NDRG3: variants seen among roughly 807,000 people sequenced by gnomAD.
The protein encoded by NDRG3 is protein NDRG3.
Under a neutral mutation model 57.2 loss-of-function variants are expected in NDRG3, and 23 were observed. The observed-to-expected ratio is 0.40, with a 90% CI of 0.29 to 0.57. The LOEUF (loss-of-function observed/expected upper bound fraction) is 0.57. Ranked by LOEUF, NDRG3 falls within the 20% of genes least tolerant of loss-of-function variation. The pLI is 0.42. For synonymous variants in NDRG3, 132 were observed against 162.6 expected, an observed-to-expected ratio of 0.81 and a Z score of 1.43; for missense variants, 384 against 457.3, an observed-to-expected ratio of 0.84 and a Z score of 1.46.
At chr20:36,669,666 A>G (rs549093216) in intron 9 of NDRG3, among the ~76,000 whole-genome samples, 80 of 151,508 alleles carry the variant, frequency 5.3e-4, no homozygotes, top group African/African-American at 1.9e-3. Context: ...CGCGCGGCCG[A>G]TTTTTGAATT....
chr20:36,660,272 TC>T, intron 13 of NDRG3, 64 bp downstream of exon 13: 1 of 1,259,588 alleles, frequency 7.9e-7, no homozygotes, highest in East Asian at 2.5e-5. Flanking sequence ...AAGCAATTAT[TC>T]CAGAAAATAT....
chr20:36,684,564 A>G (rs1011661493), intron 5 of NDRG3, 89 bp from the exon 6 acceptor site: 10 of 1,203,132 alleles, frequency 8.3e-6, no homozygotes, highest in African/African-American at 7.5e-5. Context: ...AGTCTTAGAT[A>G]AAAGGCTGAG....
intron 9 of NDRG3, among the ~76,000 whole-genome samples, chr20:36,669,230 A>T (rs1305228842): frequency 2.3e-4 from 28 of 122,462 alleles, no homozygotes; most frequent in East Asian, 1.9e-3. Context: ...CTAATTTTGT[A>T]TTTTTTTTTT....
At chr20:36,654,718 G>T in intron 15 of NDRG3, 1 of 772,388 alleles carries the variant, frequency 1.3e-6, no homozygotes. Context: ...TCACTGCATA[G>T]GAAGACCGCG....
At chr20:36,718,873 A>C (rs1984425617) in intron 2 of NDRG3, among the ~76,000 whole-genome samples, 2 of 151,656 alleles carry the variant, frequency 1.3e-5, no homozygotes, top group South Asian at 4.2e-4. Context: ...GGTAGACAGG[A>C]TCTCCCTTTG....
At chr20:36,744,204 T>C (rs1354668598) in intron 1 of NDRG3, among the ~76,000 whole-genome samples, 1 of 152,120 alleles carries the variant, frequency 6.6e-6, no homozygotes, top group Admixed American at 6.5e-5. Context: ...GCCCGGTCCA[T>C]AAACAGGCTT....
chr20:36,742,647 A>C (rs1985976968), intron 1 of NDRG3, among the ~76,000 whole-genome samples: 2 of 152,210 alleles, frequency 1.3e-5, no homozygotes, highest in African/African-American at 2.4e-5. Context: ...CCATGTAGGA[A>C]TATCTTATTC....
intron 3 of NDRG3, among the ~76,000 whole-genome samples, chr20:36,692,206 A>G (rs950481784): frequency 6.6e-6 from 1 of 152,118 alleles, no homozygotes; most frequent in Non-Finnish European, 1.5e-5. Context: ...AAGAACCAAC[A>G]TATACTGTTT....
rs963398881 is a variant in NDRG3, at chr20:36,652,057, G to C, written c.*1463C>G. ...ATGAGGCTGAAAACAACTTTACCTGGACAGGGCTACCCCTACAGATTGGCC... is the reference window on the plus strand; with the variant it reads ...ATGAGGCTGAAAACAACTTTACCTGCACAGGGCTACCCCTACAGATTGGCC... On this transcript the variant is annotated 3_prime_UTR_variant, in exon 16 of 16. Transcript: ENST00000349004. The C allele has an allele frequency of 6.6e-6, 1 of 152,188 alleles. No homozygotes were observed. Among genetic ancestry groups the C allele is most frequent in the Non-Finnish European group, 1.5e-5 (1 of 68,070 alleles). The allele number at this position is 152,188 out of a possible 1,614,324, so 9.4% of individuals were successfully genotyped here.
chr20:36,700,697 A>G (rs1349788277), intron 3 of NDRG3: 7 of 258,906 alleles, frequency 2.7e-5, no homozygotes, highest in Admixed American at 2.7e-4. Flanking sequence ...CAAAGAGCAC[A>G]GTCTAAGGGA....
chr20:36,731,022 G>C (rs1226092524), intron 1 of NDRG3, among the ~76,000 whole-genome samples: 1 of 152,026 alleles, frequency 6.6e-6, no homozygotes, highest in African/African-American at 2.4e-5. Context: ...CAGTTGGGGA[G>C]ATAAAAGAAT....
intron 9 of NDRG3, among the ~76,000 whole-genome samples, chr20:36,670,707 G>A (rs564718441): frequency 6.6e-6 from 1 of 152,216 alleles, no homozygotes; most frequent in Admixed American, 6.5e-5. Flanking sequence ...TTAAAATTAA[G>A]CAGAAAACAA....
intron 3 of NDRG3, among the ~76,000 whole-genome samples, chr20:36,699,138 G>A (rs1048901577): frequency 3.3e-5 from 5 of 151,952 alleles, no homozygotes; most frequent in Non-Finnish European, 5.9e-5. Flanking sequence ...TTGGAGAGAC[G>A]GGGTCTCCAT....
At chr20:36,689,149 G>A (rs1391371717) in intron 3 of NDRG3, among the ~76,000 whole-genome samples, 4 of 152,122 alleles carry the variant, frequency 2.6e-5, no homozygotes, top group East Asian at 1.9e-4. Context: ...AGCTGAGATC[G>A]TGCTACTGCA....
At chr20:36,656,448 T>C (rs1025370948) in intron 14 of NDRG3, 37 bp from the exon 15 acceptor site, 14 of 1,613,966 alleles carry the variant, frequency 8.7e-6, no homozygotes, top group Non-Finnish European at 1.1e-5. Flanking sequence ...AATTTTTGCA[T>C]AGACAGAGAA....
intron 2 of NDRG3, among the ~76,000 whole-genome samples, chr20:36,709,316 C>G (rs564686402): frequency 1.0e-3 from 156 of 152,294 alleles, no homozygotes; most frequent in African/African-American, 3.7e-3. Flanking sequence ...CAGCACTGAT[C>G]TGGAAGCCAA....
intron 8 of NDRG3, among the ~76,000 whole-genome samples, chr20:36,674,963 T>C (rs1034213742): frequency 1.6e-4 from 23 of 140,308 alleles, no homozygotes; most frequent in Middle Eastern, 3.7e-3. Context: ...GGTGTGATCA[T>C]GGCTCACTAC....
intron 3 of NDRG3, among the ~76,000 whole-genome samples, chr20:36,689,308 T>C (rs987237923): frequency 2.6e-5 from 4 of 152,182 alleles, no homozygotes; most frequent in African/African-American, 9.7e-5. Flanking sequence ...CACCTTGTTA[T>C]CTCCAAAGCT....
chr20:36,738,044 C>CA (rs1445282588), intron 1 of NDRG3, among the ~76,000 whole-genome samples: 28 of 144,906 alleles, frequency 1.9e-4, no homozygotes, highest in African/African-American at 7.2e-4. Flanking sequence ...AGCCTGGTGA[C>CA]AGAGCAAGAC....
Sources: allele counts gnomAD v4.1 joint callset (sites outside exome capture counted in the v4.1 genomes callset), GRCh38; gene constraint gnomAD v4.1.1; transcripts MANE v1.5; gene names NCBI Gene and HGNC (gene_info 2026-07-23, HGNC 2026-07-21).